The following ATP2B2 variants were observed in gnomAD, a reference collection of about 807,000 sequenced individuals.
ATP2B2 encodes ATPase plasma membrane Ca2+ transporting 2.
In ATP2B2, 15 loss-of-function variants were observed where a neutral mutation model predicts 120.0. The ratio of observed to expected loss-of-function variants is 0.12; its 90% CI spans 0.08 to 0.19. The LOEUF (loss-of-function observed/expected upper bound fraction) is 0.19. Ranked by LOEUF, ATP2B2 falls within the 10% of genes least tolerant of loss-of-function variation. ATP2B2 has a pLI of 1.00. For synonymous variants in ATP2B2, 694 were observed against 700.3 expected, an observed-to-expected ratio of 0.99 and a Z score of 0.14; for missense variants, 1,045 against 1,719.8, an observed-to-expected ratio of 0.61 and a Z score of 6.94.
At chr3:10,620,558 G>A (rs1030133767) in intron 1 of ATP2B2, among the ~76,000 whole-genome samples, 2 of 152,132 alleles carry the variant, frequency 1.3e-5, no homozygotes, top group Non-Finnish European at 1.5e-5. Flanking sequence ...TGAAAGCAGG[G>A]GGGATTCCTT....
intron 2 of ATP2B2, among the ~76,000 whole-genome samples, chr3:10,545,319 C>A (rs974379868): frequency 1.3e-5 from 2 of 152,170 alleles, no homozygotes; most frequent in African/African-American, 2.4e-5. Context: ...CACCTGAGGT[C>A]AGGAGTTCGA....
chr3:10,574,315 G>A (rs1459427826), intron 2 of ATP2B2, among the ~76,000 whole-genome samples: 2 of 152,158 alleles, frequency 1.3e-5, no homozygotes, highest in Admixed American at 1.3e-4. Context: ...GGGCTTCACC[G>A]AGGTGGCTGA....
At chr3:10,403,197 T>C (rs563233647) in intron 3 of ATP2B2, among the ~76,000 whole-genome samples, 1 of 152,338 alleles carries the variant, frequency 6.6e-6, no homozygotes, top group South Asian at 2.1e-4. Flanking sequence ...TGGAAGCTCC[T>C]GGCCAGAGCT....
chr3:10,592,760 C>T (rs528267970), intron 2 of ATP2B2, among the ~76,000 whole-genome samples: 28 of 152,190 alleles, frequency 1.8e-4, no homozygotes, highest in Non-Finnish European at 3.1e-4. Context: ...TGGAATATGA[C>T]TGTTTGCTTC....
chr3:10,582,143 G>A (rs2068404650), intron 2 of ATP2B2, among the ~76,000 whole-genome samples: 1 of 152,204 alleles, frequency 6.6e-6, no homozygotes, highest in African/African-American at 2.4e-5. Flanking sequence ...TTCCAAAGCA[G>A]CATTGTGTGG....
intron 1 of ATP2B2, among the ~76,000 whole-genome samples, chr3:10,483,316 AAGGG>A (rs2065490262): frequency 6.6e-6 from 1 of 152,196 alleles, no homozygotes; most frequent in African/African-American, 2.4e-5. Context: ...GAGGACTCCT[AAGGG>A]AACCTGTCTT....
chr3:10,672,521 A>G (rs1243949809), intron 1 of ATP2B2, among the ~76,000 whole-genome samples: 1 of 152,238 alleles, frequency 6.6e-6, no homozygotes, highest in East Asian at 1.9e-4. Flanking sequence ...TCAAAAACAC[A>G]GCTTTGCATT....
chr3:10,529,957 G>A (rs1187988976), intron 3 of ATP2B2, among the ~76,000 whole-genome samples: 1 of 152,170 alleles, frequency 6.6e-6, no homozygotes, highest in Non-Finnish European at 1.5e-5. Context: ...GAGAGAGGCC[G>A]GGAAAGAGTC....
intron 12 of ATP2B2, among the ~76,000 whole-genome samples, chr3:10,366,516 C>T (rs377067952): frequency 4.6e-5 from 7 of 152,172 alleles, no homozygotes; most frequent in Middle Eastern, 3.2e-3. Context: ...TTCAGAAATA[C>T]GCCATAAACT....
chr3:10,664,744 G>C (rs549188312), intron 1 of ATP2B2, among the ~76,000 whole-genome samples: 56 of 152,334 alleles, frequency 3.7e-4, no homozygotes, highest in Non-Finnish European at 7.5e-4. Context: ...ATTTGATCTA[G>C]CGGGTGCCTT....
intron 2 of ATP2B2, among the ~76,000 whole-genome samples, chr3:10,420,319 G>T (rs556872640): frequency 1.3e-5 from 2 of 152,082 alleles, no homozygotes; most frequent in African/African-American, 4.8e-5. Flanking sequence ...CCAGCTCTGT[G>T]ACCTTGGGCG....
intron 2 of ATP2B2, among the ~76,000 whole-genome samples, chr3:10,411,712 A>T (rs2062617860): frequency 6.6e-6 from 1 of 152,184 alleles, no homozygotes; most frequent in Non-Finnish European, 1.5e-5. Context: ...CAGACACTGG[A>T]ACAGAGCAGC....
intron 1 of ATP2B2, among the ~76,000 whole-genome samples, chr3:10,683,746 A>ATGTGTG (rs1408104149): frequency 8.3e-4 from 34 of 40,838 alleles, no homozygotes; most frequent in South Asian, 7.3e-3. Flanking sequence ...ATGTGTATAT[A>ATGTGTG]TATGTGTGTG....
rs2061735017 is a variant in ATP2B2 at position 10,388,109 on chromosome 3, C to T, written c.907+168G>A. ...GGACAAGACCTGGAGATGGAACAGA[C>T]AGAGCCTACCTGGCCCATGCAGGCC... On this transcript the variant is annotated intron_variant, in intron 6 of 22. Transcript: ENST00000360273. 24 of 930,146 alleles carry T rather than the reference C, an allele frequency of 2.6e-5. 1 individual carries two copies. The South Asian group carries it at 3.1e-4, about 12-fold the overall frequency. The allele number at this position is 930,146 out of a possible 1,614,324, so 57.6% of individuals were successfully genotyped here. A position where few individuals can be genotyped will look rare whatever the true frequency, so the allele number is the denominator to read the frequency against.
intron 5 of ATP2B2, 85 bp from the exon 6 acceptor site, chr3:10,388,487 C>A: frequency 6.3e-7 from 1 of 1,596,604 alleles, no homozygotes; most frequent in Non-Finnish European, 8.6e-7. Context: ...TCTCAGTCAG[C>A]TCCTGGCTCT....
In ATP2B2 at chr3:10,505,516, C is replaced by T. The variant is rs1470450634; in HGVS notation, c.-371G>A. 6.6e-6 allele frequency: 1 copy of T among 150,816 alleles called. No individual in the cohort carries two copies. Among genetic ancestry groups the T allele is most frequent in the Non-Finnish European group, 1.5e-5 (1 of 67,808 alleles). 9.3% of individuals were successfully genotyped at this position (150,816 alleles called of 1,614,324 possible). A position where few individuals can be genotyped will look rare whatever the true frequency, so the allele number is the denominator to read the frequency against. ...TGCACGGTTTCCCGGCGGGCAGCCC[C>T]GTAATCGCGGTGCGGCAGCTGGTGC... On this transcript the variant is annotated 5_prime_UTR_variant, in exon 1 of 23. Transcript: ENST00000360273.
intron 2 of ATP2B2, among the ~76,000 whole-genome samples, chr3:10,534,899 T>G (rs13092924): frequency 2.4e-5 from 1 of 41,712 alleles, no homozygotes; most frequent in Non-Finnish European, 5.0e-5. Flanking sequence ...ATTTATTTGG[T>G]TTTTTTTTTT....
Position 10,346,022 on chromosome 3 carries a change from C to A in ATP2B2, c.2511+9G>T, listed in dbSNP as rs755374359. On this transcript the variant is annotated intron_variant, in intron 17 of 22. Coordinates refer to ENST00000360273, the MANE Select transcript of ATP2B2 (RefSeq NM_001001331.4). This position sits in a 1 kb window ranked among gnomAD's most constrained non-coding sequence, Gnocchi z 4.1. ...CCACCACCCCAGGCCCTCTGTGGGC[C>A]GTTCCTACCATGGCGAAGCCCACGT... The A allele has an allele frequency of 6.2e-7, 1 of 1,609,050 alleles. No individual in the cohort carries two copies. The highest frequency in any genetic ancestry group is 8.5e-7 in the Non-Finnish European group (1 of 1,179,284).
At chr3:10,357,280 T>C (rs775017) in intron 14 of ATP2B2, among the ~76,000 whole-genome samples, 84,778 of 151,916 alleles carry the variant, frequency 0.56, 25,058 homozygotes, top group East Asian at 0.98. Context: ...ATACTATTAT[T>C]ATCCCCAGTA....
Sources: gnomAD v4.1 joint callset for allele counts (sites outside exome capture counted in the v4.1 genomes callset) on GRCh38, gnomAD v4.1.1 for gene constraint, Gnocchi (gnomAD v3.1) non-coding constraint, MANE v1.5 for transcripts, NCBI Gene and HGNC (gene_info 2026-07-23, HGNC 2026-07-21) for gene names.